Variants in STK3 observed in about 807,000 individuals in gnomAD.
The protein encoded by STK3 is serine/threonine-protein kinase 3.
Under a neutral mutation model 58.0 loss-of-function variants are expected in STK3, and 41 were observed. The ratio of observed to expected loss-of-function variants is 0.71; its 90% CI spans 0.55 to 0.92. STK3 has a LOEUF of 0.92. Ranked by LOEUF, STK3 falls within the 40% of genes least tolerant of loss-of-function variation. The pLI is 0.00. For missense variants in STK3, 479 were observed against 602.7 expected, an observed-to-expected ratio of 0.79 and a Z score of 2.15; for synonymous variants, 170 against 191.0, an observed-to-expected ratio of 0.89 and a Z score of 0.91.
chr8:98,925,427 G>A (rs1839751429), intron 1 of STK3, among the ~76,000 whole-genome samples: 1 of 152,230 alleles, frequency 6.6e-6, no homozygotes, highest in Non-Finnish European at 1.5e-5. Flanking sequence ...AGATCATGGA[G>A]CAGATTGGCA....
chr8:98,807,826 C>T (rs1250362412), intron 1 of STK3, among the ~76,000 whole-genome samples: 2 of 152,072 alleles, frequency 1.3e-5, no homozygotes, highest in Non-Finnish European at 2.9e-5. Flanking sequence ...AATCAAAATG[C>T]CAGAGAAAAC....
chr8:98,630,776 AGAG>A (rs1448471892), intron 6 of STK3, among the ~76,000 whole-genome samples: 3 of 148,374 alleles, frequency 2.0e-5, no homozygotes, highest in East Asian at 1.9e-4. Flanking sequence ...AAGAAGAAGA[AGAG>A]GAAGAGGAAG....
chr8:98,733,341 G>A (rs909033512), intron 4 of STK3, among the ~76,000 whole-genome samples: 4 of 152,228 alleles, frequency 2.6e-5, no homozygotes, highest in African/African-American at 4.8e-5. Context: ...CCACATAGCA[G>A]CAGGTGAGTG....
chr8:98,928,163 C>T (rs1353938956), intron 1 of STK3, among the ~76,000 whole-genome samples: 9 of 152,212 alleles, frequency 5.9e-5, no homozygotes, highest in Non-Finnish European at 8.8e-5. Context: ...TGGCATTCCA[C>T]GGCTCCAGTT....
chr8:98,665,749 G>C (rs1432530724), intron 6 of STK3, among the ~76,000 whole-genome samples: 1 of 149,340 alleles, frequency 6.7e-6, no homozygotes. Flanking sequence ...TGTCGCCCAG[G>C]CTGGAGTGCA....
intron 8 of STK3, among the ~76,000 whole-genome samples, chr8:98,563,653 G>A (rs1337740379): frequency 1.3e-5 from 2 of 152,042 alleles, no homozygotes; most frequent in Non-Finnish European, 2.9e-5. Flanking sequence ...ATATCTTATA[G>A]TGTCAGAGAG....
chr8:98,616,915 T>G (rs1817781965), intron 6 of STK3, among the ~76,000 whole-genome samples: 1 of 151,622 alleles, frequency 6.6e-6, no homozygotes, highest in Non-Finnish European at 1.5e-5. Context: ...AGACAGAAAG[T>G]CAACAAGGAT....
intron 9 of STK3, among the ~76,000 whole-genome samples, chr8:98,528,635 C>T (rs141646498): frequency 0.011 from 1,664 of 152,152 alleles, 24 homozygotes; most frequent in African/African-American, 0.037. Context: ...TACAGGCATG[C>T]GCCACCATGC....
At chr8:98,816,437 G>A (rs1365624207) in intron 1 of STK3, among the ~76,000 whole-genome samples, 1 of 152,060 alleles carries the variant, frequency 6.6e-6, no homozygotes, top group Non-Finnish European at 1.5e-5. Flanking sequence ...CTTGAGCCCA[G>A]GAGGGTCAGG....
intron 1 of STK3, among the ~76,000 whole-genome samples, chr8:98,942,016 C>G (rs1341053878): frequency 1.3e-5 from 2 of 152,238 alleles, no homozygotes; most frequent in Non-Finnish European, 2.9e-5. Flanking sequence ...TCCGCACACC[C>G]GAAACCCACA....
chr8:98,915,845 G>T (rs1443050107), intron 1 of STK3, among the ~76,000 whole-genome samples: 1 of 151,894 alleles, frequency 6.6e-6, no homozygotes, highest in Non-Finnish European at 1.5e-5. Flanking sequence ...TGCCAACATG[G>T]TTAGCTCATA....
intron 3 of STK3, among the ~76,000 whole-genome samples, chr8:98,764,544 C>A (rs959473285): frequency 6.6e-6 from 1 of 152,182 alleles, no homozygotes; most frequent in African/African-American, 2.4e-5. Flanking sequence ...CTCAGCCTTG[C>A]TAAAAGACTA....
rs539766063 is a variant in STK3, at chr8:98,621,416, C to G, written c.685-25247G>C. ...TCCTTTCACTTCTTGCCTTTTTGAG[C>G]TGGCAAGAACTCCCAGTACTGTGCT... On this transcript the variant is annotated intron_variant, in intron 6 of 10. Coordinates refer to ENST00000419617, the MANE Select transcript of STK3 (RefSeq NM_006281.4). Among the ~76,000 whole-genome samples the G allele has an allele frequency of 4.6e-5, 7 of 152,200 alleles. No individual in the cohort carries two copies. In the East Asian group the frequency reaches 1.4e-3, roughly 29 times the overall value.
At chr8:98,766,215 A>G (rs6989238) in intron 3 of STK3, among the ~76,000 whole-genome samples, 1 of 152,134 alleles carries the variant, frequency 6.6e-6, no homozygotes, top group Non-Finnish European at 1.5e-5. Flanking sequence ...ATTTATTTAT[A>G]TATTTGTCTT....
intron 4 of STK3, among the ~76,000 whole-genome samples, chr8:98,720,259 CTACTT>C (rs952569928): frequency 1.3e-5 from 2 of 152,130 alleles, no homozygotes; most frequent in African/African-American, 2.4e-5. Context: ...TGTGATTTCT[CTACTT>C]AAGTAAGTAA....
At chr8:98,403,525 T>G (rs901603146) in intron 3 of STK3, among the ~76,000 whole-genome samples, 1 of 152,148 alleles carries the variant, frequency 6.6e-6, no homozygotes, top group East Asian at 1.9e-4. Flanking sequence ...GGAAAATACA[T>G]GTCCTGGAAT....
At chr8:98,739,462 G>A (rs943551596) in intron 4 of STK3, among the ~76,000 whole-genome samples, 52 of 150,492 alleles carry the variant, frequency 3.5e-4, no homozygotes, top group Non-Finnish European at 5.8e-4. Flanking sequence ...TGCAGCCACC[G>A]CTGCTGGTAC....
intron 1 of STK3, among the ~76,000 whole-genome samples, chr8:98,815,388 A>C (rs1834481533): frequency 6.6e-6 from 1 of 152,224 alleles, no homozygotes; most frequent in Admixed American, 6.5e-5. Context: ...AGTTATTAGG[A>C]TATTAGTCTC....
intron 3 of STK3, among the ~76,000 whole-genome samples, chr8:98,416,918 C>T (rs1260145650): frequency 6.6e-6 from 1 of 152,198 alleles, no homozygotes; most frequent in Non-Finnish European, 1.5e-5. Flanking sequence ...GGACAAGCTG[C>T]AGCTTGGCTT....
Sources: gnomAD v4.1 joint callset for allele counts (sites outside exome capture counted in the v4.1 genomes callset) on GRCh38, gnomAD v4.1.1 for gene constraint, MANE v1.5 for transcripts, NCBI Gene and HGNC (gene_info 2026-07-23, HGNC 2026-07-21) for gene names.